The following SAAL1 variants were observed in gnomAD, a reference collection of about 807,000 sequenced individuals.
The protein encoded by SAAL1 is serum amyloid A like 1, also known as protein SAAL1.
A neutral mutation model predicts 59.8 loss-of-function variants in SAAL1; 42 were observed. The ratio of observed to expected loss-of-function variants is 0.70; its 90% CI spans 0.55 to 0.91. SAAL1 has a LOEUF of 0.91. Ranked by LOEUF, SAAL1 falls within the 40% of genes least tolerant of loss-of-function variation. The probability of loss-of-function intolerance (pLI) is 0.00; values close to 1 mark genes in which losing one functional copy is unlikely to be tolerated. For missense variants in SAAL1, 542 were observed against 561.1 expected (o/e 0.97, Z 0.34); for synonymous variants, 191 against 194.3 (o/e 0.98, Z 0.14).
At chr11:18,089,209 G>C in intron 7 of SAAL1, 121 bp downstream of exon 7, 1 of 814,838 alleles carries the variant, frequency 1.2e-6, no homozygotes, top group South Asian at 2.5e-5. Context: ...GTGAATTAAC[G>C]TAACAAGGAG....
rs1208089728 is a variant in SAAL1, at chr11:18,090,496, A to G, written c.414-3T>C. 3 of 1,602,488 alleles carry G rather than the reference A, an allele frequency of 1.9e-6. No homozygotes were observed. Among genetic ancestry groups the G allele is most frequent in the Non-Finnish European group, 1.7e-6 (2 of 1,177,016 alleles). On this transcript the variant is annotated splice_region_variant and splice_polypyrimidine_tract_variant and intron_variant, in intron 4 of 11. Transcript: ENST00000524803. ...ACAAACAGTGCAATAACACCTGCCT[A>G]CAAAAACAAAGAAGTTAACCGATAT...
intron 4 of SAAL1, chr11:18,090,950 G>C (rs1235033116): frequency 6.5e-6 from 1 of 152,834 alleles, no homozygotes; most frequent in African/African-American, 2.4e-5. Context: ...TACTTATTGA[G>C]TCTTCATTTA....
chr11:18,102,648 T>A (rs886670645), intron 2 of SAAL1, among the ~76,000 whole-genome samples: 1 of 152,156 alleles, frequency 6.6e-6, no homozygotes, highest in African/African-American at 2.4e-5. Flanking sequence ...ATTGCTAAAG[T>A]CCAGGTAATA....
chr11:18,082,378 C>T (rs1399467701), intron 10 of SAAL1, among the ~76,000 whole-genome samples: 1 of 151,970 alleles, frequency 6.6e-6, no homozygotes, highest in African/African-American at 2.4e-5. Flanking sequence ...AATTTATTAC[C>T]TGAACTTTGA....
chr11:18,087,638 C>G (rs541092799), intron 7 of SAAL1, among the ~76,000 whole-genome samples: 2 of 152,306 alleles, frequency 1.3e-5, no homozygotes, highest in African/African-American at 4.8e-5. Flanking sequence ...GAAAATGTCT[C>G]AGGATTAACC....
intron 2 of SAAL1, among the ~76,000 whole-genome samples, chr11:18,097,366 G>C (rs1256882578): frequency 6.6e-6 from 1 of 151,808 alleles, no homozygotes; most frequent in African/African-American, 2.4e-5. Context: ...CCCAGACAAT[G>C]GAACAATTTC....
Position 18,081,431 on chromosome 11 carries a change from G to C in SAAL1, c.1312C>G (p.Leu438Val). 1 of 1,613,918 alleles carries C rather than the reference G, an allele frequency of 6.2e-7. No homozygotes were observed. The highest frequency in any genetic ancestry group is 8.5e-7 in the Non-Finnish European group (1 of 1,179,814). ...CTCACCACAGGGCTATAGAAAGGAA[G>C]AAGGTTTTGAAATGCAGAGGAACAC... is the stretch of plus-strand genomic sequence containing the variant. ...QKCSSAFQNL[L>V]PFYSPVVEDF... Residue 438 changes from leucine (L) to valine (V), a missense_variant, in exon 11 of 12, where the codon CTT becomes GTT. Transcript: ENST00000524803.
rs1474677775 is a variant in SAAL1, at chr11:18,105,980, G to A, written c.62C>T (p.Ala21Val). 1.2e-6 allele frequency: 2 copies of A among 1,608,258 alleles called. No individual in the cohort carries two copies. The highest frequency in any genetic ancestry group is 8.5e-7 in the Non-Finnish European group (1 of 1,178,614). The part of the protein sequence containing the change: ...GRDKEEEEEV[A>V]GGDCIGSTVY... ...CGTGCTCCCTATGCAGTCTCCACCG[G>A]CCACCTCCTCCTCCTCCTCCTTGTC... Residue 21 changes from alanine to valine, a missense_variant, in exon 1 of 12, where the codon GCC becomes GTC. Coordinates refer to ENST00000524803, the MANE Select transcript of SAAL1 (RefSeq NM_138421.3).
rs577503031 is a variant in SAAL1, at chr11:18,083,480, G to A, written c.1239+55C>T. 2.9e-4 allele frequency: 303 copies of A among 1,030,118 alleles called. 1 individual carries two copies. The highest frequency in any genetic ancestry group is 2.8e-3 in the African/African-American group (172 of 62,370). The allele number at this position is 1,030,118 out of a possible 1,614,324, so 63.8% of individuals were successfully genotyped here. A position where few individuals can be genotyped will look rare whatever the true frequency, so the allele number is the denominator to read the frequency against. ...TTTAAAAAAAAATAAAGTTTGAAGC[G>A]TTAAGCAACCCACACTTTCTTTTGC... is the stretch of plus-strand genomic sequence containing the variant. On this transcript the variant is annotated intron_variant, in intron 10 of 11. Transcript: ENST00000524803.
chr11:18,090,656 C>T (rs1307755850), intron 4 of SAAL1, 163 bp from the exon 5 acceptor site: 5 of 761,922 alleles, frequency 6.6e-6, no homozygotes, highest in African/African-American at 1.8e-5. Flanking sequence ...AAAGCAAACA[C>T]TCGTGTTTCC....
rs771895069 is a variant in SAAL1 at position 18,106,005 on chromosome 11, C to T, written c.37G>A (p.Asp13Asn). The T allele has an allele frequency of 3.1e-6, 5 of 1,604,950 alleles. No homozygotes were observed. The South Asian group carries it at 3.3e-5, about 11-fold the overall frequency. ...RNPSPPPPGR[D>N]KEEEEEVAGG... Reference sequence around the variant, plus strand: ...GCCACCTCCTCCTCCTCCTCCTTGTCGCGACCCGGCGGCGGCGGCGAGGGG... The same window carrying T: ...GCCACCTCCTCCTCCTCCTCCTTGTTGCGACCCGGCGGCGGCGGCGAGGGG... The change falls in exon 1 of 12, where the codon GAC becomes AAC. Residue 13 changes from aspartate to asparagine, a missense_variant. Transcript: ENST00000524803.
At chr11:18,104,890 A>G (rs1334649557) in intron 1 of SAAL1, among the ~76,000 whole-genome samples, 1 of 152,146 alleles carries the variant, frequency 6.6e-6, no homozygotes, top group Non-Finnish European at 1.5e-5. Context: ...CTGTCTTTAA[A>G]GAAGATTATT....
In SAAL1 at chr11:18,081,625, C is replaced by T; in HGVS notation, c.1240-122G>A. 3 of 708,988 alleles carry T rather than the reference C, an allele frequency of 4.2e-6. 1 individual carries two copies. The South Asian group carries it at 5.1e-5, about 12-fold the overall frequency. The allele number at this position is 708,988 out of a possible 1,614,324, so 43.9% of individuals were successfully genotyped here. A position where few individuals can be genotyped will look rare whatever the true frequency, so the allele number is the denominator to read the frequency against. The stretch of plus-strand genomic sequence containing the variant: ...TTCATAGGCATTTCAAATGTCCCAC[C>T]TGAACCCACCAACATCAAGGAGGCT... On this transcript the variant is annotated intron_variant, in intron 10 of 11. Coordinates refer to ENST00000524803, the MANE Select transcript of SAAL1 (RefSeq NM_138421.3).
intron 1 of SAAL1, among the ~76,000 whole-genome samples, chr11:18,103,626 T>C (rs1335762700): frequency 6.6e-6 from 1 of 152,176 alleles, no homozygotes; most frequent in African/African-American, 2.4e-5. Flanking sequence ...TGGGTGTGTG[T>C]GTACCTGTGA....
intron 3 of SAAL1, chr11:18,094,108 T>G (rs1480893513): frequency 1.3e-5 from 2 of 152,142 alleles, no homozygotes; most frequent in Admixed American, 1.3e-4. Flanking sequence ...AATCATAATT[T>G]CCAGGGTAGA....
intron 11 of SAAL1, 61 bp from the exon 12 acceptor site, chr11:18,080,552 C>T (rs1335517376): frequency 1.8e-6 from 2 of 1,084,074 alleles, no homozygotes; most frequent in African/African-American, 3.2e-5. Context: ...CTTTAAGGTA[C>T]TGATTGCTCT....
At chr11:18,086,543 A>G (rs1390840335) in intron 9 of SAAL1, among the ~76,000 whole-genome samples, 1 of 152,110 alleles carries the variant, frequency 6.6e-6, no homozygotes, top group Non-Finnish European at 1.5e-5. Flanking sequence ...TACTGAAAAA[A>G]TACAAAAATT....
At chr11:18,089,548 A>G (rs567858493) in intron 6 of SAAL1, 38 bp from the exon 7 acceptor site, 21 of 1,579,140 alleles carry the variant, frequency 1.3e-5, no homozygotes, top group Non-Finnish European at 1.8e-5. Flanking sequence ...TGAAAAACAA[A>G]CTGCTAAAAG....
At chr11:18,103,849 T>C (rs1396746148) in intron 1 of SAAL1, among the ~76,000 whole-genome samples, 1 of 152,202 alleles carries the variant, frequency 6.6e-6, no homozygotes, top group Non-Finnish European at 1.5e-5. Context: ...GCCTGCCTTA[T>C]TTGTTATTGT....
Sources: allele counts gnomAD v4.1 joint callset (sites outside exome capture counted in the v4.1 genomes callset), GRCh38; gene constraint gnomAD v4.1.1; transcripts MANE v1.5; gene names NCBI Gene and HGNC (gene_info 2026-07-23, HGNC 2026-07-21).